Variants in ANKRD35 observed in about 807,000 individuals in gnomAD.
ANKRD35 encodes ankyrin repeat domain 35.
ANKRD35 carries 102 observed loss-of-function variants against 109.9 expected under a neutral mutation model. The observed-to-expected ratio is 0.93, with a 90% confidence interval of 0.79 to 1.09. The LOEUF is 1.09. ANKRD35 is among the 50% of genes least tolerant of loss of function. ANKRD35 has a pLI of 0.00. For missense variants in ANKRD35, 1,240 were observed against 1,230.1 expected (o/e 1.01, Z -0.12); for synonymous variants, 515 against 512.4 (o/e 1.01, Z -0.07).
chr1:145,872,163 C>A lies in ANKRD35; in HGVS notation c.2606G>T (p.Arg869Leu). Residue 869 changes from arginine (R) to leucine (L), a missense_variant, in exon 10 of 14, where the codon CGG becomes CTG. By Grantham distance (102) the Arg-to-Leu change is moderately radical. Coordinates refer to ENST00000355594, the MANE Select transcript of ANKRD35 (RefSeq NM_144698.5). ...KYNTACREVG[R>L]LREAVAEERR... is the part of the protein sequence containing the mutation. ...CTCCTCGGCCACCGCCTCCCGCAGC[C>A]GACCCACTTCCCGGCAGGCCGTATT... 1 of 1,609,446 alleles carries A rather than the reference C, an allele frequency of 6.2e-7. No homozygotes were observed. The highest frequency in any genetic ancestry group is 1.1e-5 in the South Asian group (1 of 90,728).
chr1:145,874,031 C>T, intron 9 of ANKRD35, 46 bp from the exon 10 acceptor site: 2 of 1,611,768 alleles, frequency 1.2e-6, no homozygotes, highest in African/African-American at 2.7e-5. Flanking sequence ...AGGCAACGAA[C>T]TGAGCCCTAG....
At chr1:145,878,216 T>A (rs1391946374) in intron 3 of ANKRD35, among the ~76,000 whole-genome samples, 175 bp downstream of exon 3, 1 of 151,692 alleles carries the variant, frequency 6.6e-6, no homozygotes, top group African/African-American at 2.4e-5. Flanking sequence ...GGAGTGGGGG[T>A]GAGGTGTGCC....
rs147155265 is a variant in ANKRD35, at chr1:145,879,324, C to T, written c.104G>A (p.Arg35His). The T allele has an allele frequency of 1.0e-3, 1,684 of 1,610,876 alleles. 31 individuals are homozygous for T. In the South Asian group the frequency reaches 0.015, roughly 14 times the overall value. The change falls in exon 2 of 14, where the codon CGC (arginine) becomes CAC (histidine). Residue 35 changes from arginine to histidine, a missense_variant. Transcript: ENST00000355594. Reference protein sequence around the residue: ...LEAVHRGDVGRVAALASRKSA... With the variant: ...LEAVHRGDVGHVAALASRKSA... Reference sequence around the variant, plus strand: ...TTTCCTGGAGGCCAGGGCAGCCACGCGTCCCACATCCCCCCTGTGCACTGC... The same window carrying T: ...TTTCCTGGAGGCCAGGGCAGCCACGTGTCCCACATCCCCCCTGTGCACTGC...
Position 145,872,256 on chromosome 1 carries a change from G to A in ANKRD35, c.2513C>T (p.Thr838Ile). 6.2e-7 allele frequency: 1 copy of A among 1,611,742 alleles called. No homozygotes were observed. ...EAASLRQHEK[T>I]RGSLVAQAQA... is the part of the protein sequence containing the mutation. Reference sequence around the variant, plus strand: ...AGCCTGGGCCACCAGCGAACCCCGAGTTTTCTCGTGTTGCCGTAGGCTGGC... The same window carrying A: ...AGCCTGGGCCACCAGCGAACCCCGAATTTTCTCGTGTTGCCGTAGGCTGGC... The change falls in exon 10 of 14, where the codon ACT (threonine) becomes ATT (isoleucine). Residue 838 changes from threonine to isoleucine, a missense_variant. Physicochemically the swap from Thr to Ile is moderately conservative, Grantham distance 89. Transcript: ENST00000355594.
chr1:145,879,721 C>G (rs1654219080), intron 1 of ANKRD35, among the ~76,000 whole-genome samples: 1 of 152,166 alleles, frequency 6.6e-6, no homozygotes, highest in South Asian at 2.1e-4. Flanking sequence ...TGCCCAACCT[C>G]AGAGCAATCC....
Position 145,874,914 on chromosome 1 carries a change from G to A in ANKRD35, c.653C>T (p.Thr218Ile). 1 of 1,613,808 alleles carries A rather than the reference G, an allele frequency of 6.2e-7. No individual in the cohort carries two copies. The change falls in exon 8 of 14, where the codon ACA becomes ATA. Residue 218 changes from threonine to isoleucine, a missense_variant. Physicochemically the swap from Thr to Ile is moderately conservative, Grantham distance 89. Transcript: ENST00000355594. Reference protein sequence around the residue: ...HGADAGAVDSTGHDALHYALH... With the variant: ...HGADAGAVDSIGHDALHYALH... Reference sequence around the variant, plus strand: ...AGCATAGTGCAGAGCATCATGCCCTGTGCTGTCCACAGCCCCCGCGTCAGC... The same window carrying A: ...AGCATAGTGCAGAGCATCATGCCCTATGCTGTCCACAGCCCCCGCGTCAGC...
intron 1 of ANKRD35, 69 bp downstream of exon 1, chr1:145,885,651 G>C: frequency 6.6e-7 from 1 of 1,525,606 alleles, no homozygotes; most frequent in South Asian, 1.1e-5. Flanking sequence ...CATTGAGACG[G>C]GACTAAAGAC....
intron 10 of ANKRD35, 108 bp downstream of exon 10, chr1:145,871,874 A>G (rs2101704268): frequency 6.5e-6 from 9 of 1,394,292 alleles, no homozygotes; most frequent in Non-Finnish European, 8.8e-6. Context: ...CGTTTGGGGT[A>G]TTAATCTGAC....
Position 145,872,033 on chromosome 1 carries a change from C to T in ANKRD35, c.2736G>A (p.Leu912=), listed in dbSNP as rs782758927. ...CAATGAGATGCTCCATCTTCTCTTT[C>T]AGCAGCTCTGCCGTTTTCTCAAACT... The part of the protein sequence containing the change: ...SEQFEKTAEL[L]KEKMEHLIGA... Residue 912 remains leucine (L), a synonymous_variant, in exon 10 of 14, where the codon CTG becomes CTA. Coordinates refer to ENST00000355594, the MANE Select transcript of ANKRD35 (RefSeq NM_144698.5). 6.2e-7 allele frequency: 1 copy of T among 1,613,408 alleles called. No individual in the cohort carries two copies. Among genetic ancestry groups the T allele is most frequent in the South Asian group, 1.1e-5 (1 of 91,084 alleles).
At chr1:145,871,454 C>T (rs1653817106) in intron 10 of ANKRD35, among the ~76,000 whole-genome samples, 1 of 152,096 alleles carries the variant, frequency 6.6e-6, no homozygotes. Context: ...TGAGCCACCG[C>T]GCCCGGCCTC....
intron 8 of ANKRD35, among the ~76,000 whole-genome samples, chr1:145,874,444 G>A (rs1376448656): frequency 6.6e-6 from 1 of 152,196 alleles, no homozygotes; most frequent in Non-Finnish European, 1.5e-5. Flanking sequence ...ACTATGTCCA[G>A]CACTTTAATA....
intron 1 of ANKRD35, among the ~76,000 whole-genome samples, chr1:145,883,076 A>ATTTTTTTTTTTTTTTTTTTTTTTTTTT (rs34686883): frequency 1.2e-5 from 1 of 83,428 alleles, no homozygotes. Flanking sequence ...GACAGTACCA[A>ATTTTTTTTTTTTTTTTTTTTTTTTTTT]TTTTTTTTTT....
At chr1:145,876,704 A>T (rs1455242471) in intron 5 of ANKRD35, 65 bp from the exon 6 acceptor site, 1 of 1,610,312 alleles carries the variant, frequency 6.2e-7, no homozygotes, top group Non-Finnish European at 8.5e-7. Flanking sequence ...ATGACCCAAC[A>T]TCCCCTCCGA....
At position 145,874,828 on chromosome 1, in the gene ANKRD35, G is replaced by C. The variant is rs139253318; in HGVS notation, c.739C>G (p.Arg247Gly). 1.9e-6 allele frequency: 3 copies of C among 1,583,152 alleles called. No individual in the cohort carries two copies. Among genetic ancestry groups the C allele is most frequent in the East Asian group, 2.3e-5 (1 of 43,734 alleles). Residue 247 changes from arginine (R) to glycine (G), a missense_variant, in exon 8 of 14, where the codon CGG (arginine) becomes GGG (glycine). Transcript: ENST00000355594. Reference sequence around the variant, plus strand: ...GTTACACAAGGGCCTTTACCGCCCCGCCGCCGCCGGCTCAGGGCCTGCTGT... The same window carrying C: ...GTTACACAAGGGCCTTTACCGCCCCCCCGCCGCCGGCTCAGGGCCTGCTGT... ...HLQQALSRRR[R>G]GGQRLVQHPD...
chr1:145,874,809 C>T lies in ANKRD35; in HGVS notation c.745+13G>A, dbSNP rs368695111. On this transcript the variant is annotated intron_variant, in intron 8 of 13. Transcript: ENST00000355594. ...ATTCTTAGAGAACGTGGAAGTTACA[C>T]AAGGGCCTTTACCGCCCCGCCGCCG... 9.6e-6 allele frequency: 15 copies of T among 1,565,034 alleles called. No homozygotes were observed. The African/African-American group carries it at 1.8e-4, about 19-fold the overall frequency.
rs200010529 is a variant in ANKRD35, at chr1:145,885,762, C to T, written c.-4G>A. On this transcript the variant is annotated 5_prime_UTR_variant, in exon 1 of 14. Coordinates refer to ENST00000355594, the MANE Select transcript of ANKRD35 (RefSeq NM_144698.5). ...AGCAGGAGAAGATACGCTTCATGGCCGGGGTCGGGGCCACGGGGGATGGGG... is the reference window on the plus strand; with the variant it reads ...AGCAGGAGAAGATACGCTTCATGGCTGGGGTCGGGGCCACGGGGGATGGGG... The T allele has an allele frequency of 1.4e-4, 227 of 1,613,600 alleles. 1 individual carries two copies. The highest frequency in any genetic ancestry group is 4.5e-5 in the East Asian group (2 of 44,854).
intron 1 of ANKRD35, among the ~76,000 whole-genome samples, chr1:145,880,509 A>G (rs1654247595): frequency 1.3e-5 from 2 of 152,214 alleles, no homozygotes; most frequent in Admixed American, 6.5e-5. Flanking sequence ...TCATGCTGTG[A>G]CTATTAAACA....
In ANKRD35 at chr1:145,872,325, T is replaced by TA. The variant is rs781960906; in HGVS notation, c.2443dup (p.Tyr815LeufsTer9). On this transcript the variant is annotated frameshift_variant, in exon 10 of 14. Coordinates refer to ENST00000355594, the MANE Select transcript of ANKRD35 (RefSeq NM_144698.5). LOFTEE classifies it high-confidence loss of function. The stretch of plus-strand genomic sequence containing the variant: ...CTCAGCCACTTCCTCTGTGGCTTGG[T>TA]AGAGCAGCTGCTTCAGCTTTCCGAT... 3.7e-6 allele frequency: 6 copies of TA among 1,612,776 alleles called. No individual in the cohort carries two copies. The Admixed American group carries it at 1.0e-4, about 27-fold the overall frequency.
Position 145,873,818 on chromosome 1 carries a change from C to T in ANKRD35, c.951G>A (p.Val317=), listed in dbSNP as rs148060696. 8.7e-6 allele frequency: 14 copies of T among 1,609,222 alleles called. No homozygotes were observed. The African/African-American group carries it at 1.7e-4, about 20-fold the overall frequency. Residue 317 remains valine (V), a synonymous_variant, in exon 10 of 14, where the codon GTG becomes GTA. Coordinates refer to ENST00000355594, the MANE Select transcript of ANKRD35 (RefSeq NM_144698.5). ...GAGTCTTACACTCTTCTGTCTTTTG[C>T]ACCAGCTCCTGCTCCAGCCGAACAA... ...RKVVRLEQEL[V]QKTEECKTQA... is the part of the protein sequence containing the mutation.
Sources: allele counts gnomAD v4.1 joint callset (sites outside exome capture counted in the v4.1 genomes callset), GRCh38; gene constraint gnomAD v4.1.1; transcripts MANE v1.5; gene names NCBI Gene and HGNC (gene_info 2026-07-23, HGNC 2026-07-21).